Variants in CXCR1 observed in about 807,000 individuals in gnomAD.
CXCR1 encodes the protein C-X-C chemokine receptor type 1.
For synonymous variants in CXCR1, 180 were observed against 184.7 expected (o/e 0.97, Z 0.21); for missense variants, 419 against 440.5 (o/e 0.95, Z 0.44).
In CXCR1 at chr2:218,163,581, C is replaced by G. The variant is rs182742538; in HGVS notation, c.*578G>C. 4.4e-4 allele frequency: 70 copies of G among 160,068 alleles called. No homozygotes were observed. In the East Asian group the frequency reaches 0.011, roughly 25 times the overall value. The allele number at this position is 160,068 out of a possible 1,614,324, so 9.9% of individuals were successfully genotyped here. ...CCTCTTTCTCTTTGTTCATCCACCA[C>G]CCCCAAGGGGAACATGTGTTTCCAG... On this transcript the variant is annotated 3_prime_UTR_variant, in exon 2 of 2. Transcript: ENST00000295683.
rs1486932164 is a variant in CXCR1 at position 218,163,175 on chromosome 2, T to A, written c.*984A>T. On this transcript the variant is annotated 3_prime_UTR_variant, in exon 2 of 2. Coordinates refer to ENST00000295683, the MANE Select transcript of CXCR1 (RefSeq NM_000634.3). ...GTTTCTGTGCCTCAAGAGACTGTTCTAGCAGGAGTTAAAGCCCCAGGGAAC... is the reference window on the plus strand; with the variant it reads ...GTTTCTGTGCCTCAAGAGACTGTTCAAGCAGGAGTTAAAGCCCCAGGGAAC... 3.3e-5 allele frequency: 5 copies of A among 152,430 alleles called. No homozygotes were observed. The highest frequency in any genetic ancestry group is 1.2e-4 in the African/African-American group (5 of 41,456). 9.4% of individuals were successfully genotyped at this position (152,430 alleles called of 1,614,324 possible).
At position 218,164,746 on chromosome 2, in the gene CXCR1, C is replaced by A. The variant is rs1266612402; in HGVS notation, c.466G>T (p.Val156Phe). The A allele has an allele frequency of 1.9e-6, 3 of 1,614,240 alleles. No homozygotes were observed. The highest frequency in any genetic ancestry group is 1.6e-4 in the Middle Eastern group (1 of 6,062). The change falls in exon 2 of 2, where the codon GTT becomes TTT. Residue 156 changes from valine (V) to phenylalanine (F), a missense_variant. Physicochemically the swap from Val to Phe is conservative, Grantham distance 50. Coordinates refer to ENST00000295683, the MANE Select transcript of CXCR1 (RefSeq NM_000634.3). ...LTQKRHLVKF[V>F]CLGCWGLSMN... is the part of the protein sequence containing the mutation. Reference sequence around the variant, plus strand: ...GACAGTCCCCAGCAGCCAAGACAAACAAACTTGACCAAGTGACGCTTCTGG... The same window carrying A: ...GACAGTCCCCAGCAGCCAAGACAAAAAAACTTGACCAAGTGACGCTTCTGG...
Position 218,164,855 on chromosome 2 carries a change from G to A in CXCR1, c.357C>T (p.Val119=), listed in dbSNP as rs768690290. The A allele has an allele frequency of 5.6e-6, 9 of 1,614,264 alleles. 1 individual carries two copies. The South Asian group carries it at 9.9e-5, about 18-fold the overall frequency. ...ACAGCAGGATGCCACTGTAGAAGTT[G>A]ACTTCCTTCAGGAGTGAGACCACCT... is the stretch of plus-strand genomic sequence containing the variant. ...LCKVVSLLKE[V]NFYSGILLLA... Residue 119 remains valine, a synonymous_variant, in exon 2 of 2, where the codon GTC becomes GTT. Transcript: ENST00000295683.
chr2:218,166,062 G>T (rs55762638), intron 1 of CXCR1, among the ~76,000 whole-genome samples: 25 of 152,224 alleles, frequency 1.6e-4, no homozygotes, highest in Non-Finnish European at 2.9e-4. Flanking sequence ...GCCCCTCAAA[G>T]CTCCAGGACT....
chr2:218,164,956 G>C lies in CXCR1; in HGVS notation c.256C>G (p.Leu86Val). Residue 86 changes from leucine (L) to valine (V), a missense_variant, in exon 2 of 2, where the codon CTA becomes GTA. Transcript: ENST00000295683. ...VYLLNLALAD[L>V]LFALTLPIWA... ...ATGGGCAAGGTCAGGGCAAAGAGTA[G>C]GTCGGCCAAGGCCAGGTTCAGCAGG... The C allele has an allele frequency of 6.2e-7, 1 of 1,614,248 alleles. No individual in the cohort carries two copies. Among genetic ancestry groups the C allele is most frequent in the Non-Finnish European group, 8.5e-7 (1 of 1,180,048 alleles).
rs1037617463 is a variant in CXCR1, at chr2:218,164,129, T to C, written c.*30A>G. ...CAGGGTGTTGGTTATTCTTTCCTTC[T>C]GAGAAGAGATATTCCTTCATCGATG... On this transcript the variant is annotated 3_prime_UTR_variant, in exon 2 of 2. Coordinates refer to ENST00000295683, the MANE Select transcript of CXCR1 (RefSeq NM_000634.3). 3.1e-6 allele frequency: 5 copies of C among 1,611,490 alleles called. No individual in the cohort carries two copies. The Admixed American group carries it at 5.0e-5, about 16-fold the overall frequency.
chr2:218,164,293 A>C lies in CXCR1; in HGVS notation c.919T>G (p.Phe307Val). The C allele has an allele frequency of 6.2e-7, 1 of 1,612,056 alleles. No individual in the cohort carries two copies. The highest frequency in any genetic ancestry group is 8.5e-7 in the Non-Finnish European group (1 of 1,178,246). ...CCATGGCGAAAATTTTGGCCGATGA[A>C]GGCGTAGATGATGGGGTTGAGGCAG... ...HSCLNPIIYA[F>V]IGQNFRHGFL... is the part of the protein sequence containing the mutation. The change falls in exon 2 of 2, where the codon TTC becomes GTC. Residue 307 changes from phenylalanine to valine, a missense_variant. Phe to Val is a conservative substitution (Grantham distance 50, BLOSUM62 -1). Transcript: ENST00000295683.
intron 1 of CXCR1, 26 bp from the exon 2 acceptor site, chr2:218,165,270 T>C (rs1574554184): frequency 6.6e-7 from 1 of 1,506,772 alleles, no homozygotes; most frequent in East Asian, 2.3e-5. Context: ...GAAGGAAATG[T>C]GATTTAGTAG....
rs770123846 is a variant in CXCR1, at chr2:218,163,936, G to A, written c.*223C>T. Reference sequence around the variant, plus strand: ...CGTTCAACGGGAATGATGGTGCTTCGTTTCCATGGAGGTGCAAAGGCCGGT... The same window carrying A: ...CGTTCAACGGGAATGATGGTGCTTCATTTCCATGGAGGTGCAAAGGCCGGT... On this transcript the variant is annotated 3_prime_UTR_variant, in exon 2 of 2. Transcript: ENST00000295683. 1.1e-5 allele frequency: 6 copies of A among 570,000 alleles called. No individual in the cohort carries two copies. Among genetic ancestry groups the A allele is most frequent in the South Asian group, 4.0e-5 (2 of 50,054 alleles). 35.3% of individuals were successfully genotyped at this position (570,000 alleles called of 1,614,324 possible).
rs750801569 is a variant in CXCR1 at position 218,164,438 on chromosome 2, G to T, written c.774C>A (p.Tyr258Ter). 6.2e-7 allele frequency: 1 copy of T among 1,614,188 alleles called. No individual in the cohort carries two copies. The highest frequency in any genetic ancestry group is 8.5e-7 in the Non-Finnish European group (1 of 1,180,016). ...VLIFLLCWLP[Y>*]NLVLLADTLM... is the part of the protein sequence containing the mutation. Reference sequence around the variant, plus strand: ...GGGTGTCTGCCAGCAGGACCAGGTTGTAGGGCAGCCAGCAAAGCAGGAAGA... The same window carrying T: ...GGGTGTCTGCCAGCAGGACCAGGTTTTAGGGCAGCCAGCAAAGCAGGAAGA... The change falls in exon 2 of 2, where the codon TAC becomes TAA. Residue 258 changes from tyrosine (Y) to a stop codon, truncating the protein, a stop_gained. Transcript: ENST00000295683. LOFTEE classifies it low-confidence loss of function (END_TRUNC).
rs1691233773 is a variant in CXCR1, at chr2:218,164,030, C to T, written c.*129G>A. The stretch of plus-strand genomic sequence containing the variant: ...CCTGAAGACACCAGTTCCTAACTTC[C>T]CCACATCCTATAGCGTCCCCCCAAA... On this transcript the variant is annotated 3_prime_UTR_variant, in exon 2 of 2. Coordinates refer to ENST00000295683, the MANE Select transcript of CXCR1 (RefSeq NM_000634.3). 1.7e-6 allele frequency: 2 copies of T among 1,160,588 alleles called. No homozygotes were observed. The highest frequency in any genetic ancestry group is 1.3e-5 in the South Asian group (1 of 76,796). The allele number at this position is 1,160,588 out of a possible 1,614,324, so 71.9% of individuals were successfully genotyped here.
Position 218,165,050 on chromosome 2 carries a change from C to G in CXCR1, c.162G>C (p.Leu54=). ...IAYALVFLLS[L]LGNSLVMLVI... is the part of the protein sequence containing the mutation. ...CCAGCATCACCAGGGAGTTTCCCAG[C>G]AGGCTCAGCAGGAACACTAGGGCAT... is the stretch of plus-strand genomic sequence containing the variant. Residue 54 remains leucine, a synonymous_variant, in exon 2 of 2, where the codon CTG becomes CTC. Transcript: ENST00000295683. The G allele has an allele frequency of 1.9e-6, 3 of 1,614,240 alleles. No homozygotes were observed. Among genetic ancestry groups the G allele is most frequent in the Non-Finnish European group, 1.7e-6 (2 of 1,180,054 alleles).
At position 218,164,051 on chromosome 2, in the gene CXCR1, C is replaced by G; in HGVS notation, c.*108G>C. On this transcript the variant is annotated 3_prime_UTR_variant, in exon 2 of 2. Transcript: ENST00000295683. The stretch of plus-strand genomic sequence containing the variant: ...CTTCCCCACATCCTATAGCGTCCCC[C>G]CAAAACCCAGATAGTGCCTGTCCAG... 12 of 1,403,672 alleles carry G rather than the reference C, an allele frequency of 8.5e-6. No homozygotes were observed. The East Asian group carries it at 9.3e-5, about 11-fold the overall frequency. 87.0% of individuals were successfully genotyped at this position (1,403,672 alleles called of 1,614,324 possible).
intron 1 of CXCR1, among the ~76,000 whole-genome samples, chr2:218,166,039 T>A (rs1027464050): frequency 2.6e-5 from 4 of 152,160 alleles, no homozygotes; most frequent in African/African-American, 9.7e-5. Flanking sequence ...CGAACCCAGA[T>A]GGCCCCTAAA....
In CXCR1 at chr2:218,164,772, G is replaced by A; in HGVS notation, c.440C>T (p.Thr147Ile). Residue 147 changes from threonine to isoleucine, a missense_variant, in exon 2 of 2, where the codon ACC becomes ATC. Physicochemically the swap from Thr to Ile is moderately conservative, Grantham distance 89. Transcript: ENST00000295683. ...LAIVHATRTL[T>I]QKRHLVKFVC... ...AAACTTGACCAAGTGACGCTTCTGGGTCAGTGTGCGTGTGGCATGGACAAT... is the reference window on the plus strand; with the variant it reads ...AAACTTGACCAAGTGACGCTTCTGGATCAGTGTGCGTGTGGCATGGACAAT... 1 of 1,614,218 alleles carries A rather than the reference G, an allele frequency of 6.2e-7. No individual in the cohort carries two copies. Among genetic ancestry groups the A allele is most frequent in the Non-Finnish European group, 8.5e-7 (1 of 1,180,036 alleles).
rs773319684 is a variant in CXCR1, at chr2:218,164,888, G to A, written c.324C>T (p.Phe108=). 1.9e-6 allele frequency: 3 copies of A among 1,614,252 alleles called. No homozygotes were observed. Among genetic ancestry groups the A allele is most frequent in the East Asian group, 2.2e-5 (1 of 44,886 alleles). The change falls in exon 2 of 2, where the codon TTC becomes TTT. Residue 108 remains phenylalanine (F), a synonymous_variant. Coordinates refer to ENST00000295683, the MANE Select transcript of CXCR1 (RefSeq NM_000634.3). ...TCAGGAGTGAGACCACCTTGCACAG[G>A]AATGTGCCAAAAATCCAGCCATTCA... ...SKVNGWIFGT[F]LCKVVSLLKE... is the part of the protein sequence containing the mutation.
Position 218,164,705 on chromosome 2 carries a change from C to T in CXCR1, c.507G>A (p.Leu169=), listed in dbSNP as rs1448091339. The T allele has an allele frequency of 6.2e-7, 1 of 1,614,198 alleles. No homozygotes were observed. Among genetic ancestry groups the T allele is most frequent in the Admixed American group, 1.7e-5 (1 of 60,030 alleles). Reference sequence around the variant, plus strand: ...AAGCCTGGCGGAAAAGGAAGAAGGGCAGGGACAGATTCATAGACAGTCCCC... The same window carrying T: ...AAGCCTGGCGGAAAAGGAAGAAGGGTAGGGACAGATTCATAGACAGTCCCC... ...GCWGLSMNLS[L]PFFLFRQAYH... The change falls in exon 2 of 2, where the codon CTG becomes CTA. Residue 169 remains leucine, a synonymous_variant. Coordinates refer to ENST00000295683, the MANE Select transcript of CXCR1 (RefSeq NM_000634.3).
At position 218,163,958 on chromosome 2, in the gene CXCR1, C is replaced by T. The variant is rs1475389981; in HGVS notation, c.*201G>A. On this transcript the variant is annotated 3_prime_UTR_variant, in exon 2 of 2. Transcript: ENST00000295683. ...TTCGTTTCCATGGAGGTGCAAAGGC[C>T]GGTCCTTGGAGGTACCTCAACAGCT... The T allele has an allele frequency of 6.5e-6, 4 of 619,396 alleles. No individual in the cohort carries two copies. The highest frequency in any genetic ancestry group is 5.7e-5 in the East Asian group (2 of 35,178). The allele number at this position is 619,396 out of a possible 1,614,324, so 38.4% of individuals were successfully genotyped here.
intron 1 of CXCR1, among the ~76,000 whole-genome samples, chr2:218,165,626 C>G (rs1345120414): frequency 6.6e-6 from 1 of 152,194 alleles, no homozygotes; most frequent in Non-Finnish European, 1.5e-5. Context: ...CAGGGAAGGG[C>G]CAGCATTAAG....
Sources: allele counts gnomAD v4.1 joint callset (sites outside exome capture counted in the v4.1 genomes callset), GRCh38; gene constraint gnomAD v4.1.1; transcripts MANE v1.5; gene names NCBI Gene and HGNC (gene_info 2026-07-23, HGNC 2026-07-21).